Variants in ST3GAL1 observed in about 807,000 individuals in gnomAD.
The protein encoded by ST3GAL1 is CMP-N-acetylneuraminate-beta-galactosamide-alpha-2,3-sialyltransferase 1.
A neutral mutation model predicts 34.1 loss-of-function variants in ST3GAL1; 16 were observed. That is an observed-to-expected ratio of 0.47 (90% confidence interval 0.32 to 0.71). The LOEUF (loss-of-function observed/expected upper bound fraction) is 0.71. ST3GAL1 is among the 30% of genes least tolerant of loss of function. The pLI is 0.04. For synonymous variants in ST3GAL1, 191 were observed against 184.7 expected (o/e 1.03, Z -0.28); for missense variants, 353 against 447.4 (o/e 0.79, Z 1.90).
Position 133,469,202 on chromosome 8 carries a change from A to AATTG in ST3GAL1, c.307-3116_307-3113dup, listed in dbSNP as rs776708686. Among the ~76,000 whole-genome samples, 11 of 152,246 alleles carry AATTG rather than the reference A, an allele frequency of 7.2e-5. No homozygotes were observed. Among genetic ancestry groups the AATTG allele is most frequent in the African/African-American group, 1.9e-4 (8 of 41,542 alleles). ...TTTAATGACTTATTTAAGAAAAATAAATTGATTGATTGATTGATTGATTTG... is the reference window on the plus strand; with the variant it reads ...TTTAATGACTTATTTAAGAAAAATAAATTGATTGATTGATTGATTGATTGATTTG... On this transcript the variant is annotated intron_variant, in intron 5 of 9. Coordinates refer to ENST00000522652, the MANE Select transcript of ST3GAL1 (RefSeq NM_173344.3). The surrounding 1 kb of genome is among the most constrained non-coding windows in gnomAD (Gnocchi z 4.3).
At chr8:133,519,238 A>G (rs967549844) in intron 2 of ST3GAL1, among the ~76,000 whole-genome samples, 4 of 152,208 alleles carry the variant, frequency 2.6e-5, no homozygotes, top group African/African-American at 9.7e-5. Flanking sequence ...GATGCCAAGA[A>G]GGCACAGTGA....
intron 2 of ST3GAL1, among the ~76,000 whole-genome samples, chr8:133,542,113 C>CACACACACACA (rs1563735220): frequency 8.6e-6 from 1 of 116,336 alleles, no homozygotes; most frequent in Non-Finnish European, 2.0e-5. Flanking sequence ...ACACACACAC[C>CACACACACACA]CACGCACACA....
In ST3GAL1 at chr8:133,501,387, A is replaced by T. The variant is rs1164795230; in HGVS notation, c.-428-2198T>A. Among the ~76,000 whole-genome samples the T allele has an allele frequency of 2.0e-5, 3 of 152,182 alleles. No individual in the cohort carries two copies. In the East Asian group the frequency reaches 5.8e-4, roughly 29 times the overall value. ...TAGGTGCTCTCTTGAGGTGGGGAGCAGTAGCTGTGGGAGAGGGTTTGGAGA... is the reference window on the plus strand; with the variant it reads ...TAGGTGCTCTCTTGAGGTGGGGAGCTGTAGCTGTGGGAGAGGGTTTGGAGA... On this transcript the variant is annotated intron_variant, in intron 2 of 9. Transcript: ENST00000522652.
intron 2 of ST3GAL1, among the ~76,000 whole-genome samples, chr8:133,522,921 G>A (rs1389993824): frequency 6.6e-6 from 1 of 152,222 alleles, no homozygotes; most frequent in Non-Finnish European, 1.5e-5. Context: ...GCCTAGGGCA[G>A]AGAAGGTGCT....
rs1376256445 is a variant in ST3GAL1 at position 133,459,970 on chromosome 8, A to G, written c.850-33T>C. ...AGCAAAGCAAAGATGAGAACCAGAC[A>G]GCAGGGCTGCTGGTGGCACCTCTGA... On this transcript the variant is annotated intron_variant, in intron 9 of 9. Transcript: ENST00000522652. This position sits in a 1 kb window ranked among gnomAD's most constrained non-coding sequence, Gnocchi z 4.7. 1.9e-6 allele frequency: 3 copies of G among 1,578,296 alleles called. No homozygotes were observed. Among genetic ancestry groups the G allele is most frequent in the Non-Finnish European group, 2.6e-6 (3 of 1,157,978 alleles).
chr8:133,522,689 G>T (rs1375152719), intron 2 of ST3GAL1, among the ~76,000 whole-genome samples: 1 of 152,150 alleles, frequency 6.6e-6, no homozygotes, highest in Non-Finnish European at 1.5e-5. Context: ...GAGAGCCTGG[G>T]TTTCATCCAA....
chr8:133,500,260 C>T (rs1289740403), intron 2 of ST3GAL1, among the ~76,000 whole-genome samples: 2 of 152,134 alleles, frequency 1.3e-5, no homozygotes, highest in African/African-American at 4.8e-5. Context: ...TCTCCCCATG[C>T]CCCATCAATA....
rs72720265 is a variant in ST3GAL1, at chr8:133,529,294, G to C, written c.-429+16480C>G. Among the ~76,000 whole-genome samples, 1,217 of 152,358 alleles carry C rather than the reference G, an allele frequency of 8.0e-3. 9 individuals carry two copies. Among genetic ancestry groups the C allele is most frequent in the Non-Finnish European group, 0.01 (704 of 68,040 alleles). ...GAATATGTCAGGCAAATGCCAGACA[G>C]AAAGCGGGCCAGAGAGGATGCGGCA... On this transcript the variant is annotated intron_variant, in intron 2 of 9. Coordinates refer to ENST00000522652, the MANE Select transcript of ST3GAL1 (RefSeq NM_173344.3).
chr8:133,463,920 G>C (rs926192994), intron 7 of ST3GAL1, among the ~76,000 whole-genome samples: 1 of 152,176 alleles, frequency 6.6e-6, no homozygotes, highest in Non-Finnish European at 1.5e-5. Context: ...TGCTCCCAGA[G>C]AGACTGCAGC....
At chr8:133,509,446 T>G (rs1254362831) in intron 2 of ST3GAL1, among the ~76,000 whole-genome samples, 6 of 152,234 alleles carry the variant, frequency 3.9e-5, no homozygotes, top group Non-Finnish European at 8.8e-5. Flanking sequence ...AAGGTTCATC[T>G]GTAAAATGAG....
chr8:133,553,194 C>A lies in ST3GAL1; in HGVS notation c.-581-7268G>T, dbSNP rs146217289. On this transcript the variant is annotated intron_variant, in intron 1 of 9. Transcript: ENST00000522652. ...CTCCACTCTGCTTTGCTGTTAACAG[C>A]TCTTAGTACCACATGGGCCATGAGC... Among the ~76,000 whole-genome samples, 827 of 152,300 alleles carry A rather than the reference C, an allele frequency of 5.4e-3. 7 individuals carry two copies. The highest frequency in any genetic ancestry group is 0.019 in the African/African-American group (780 of 41,560).
Position 133,475,704 on chromosome 8 carries a change from C to T in ST3GAL1, c.306+15G>A. 7 of 1,570,378 alleles carry T rather than the reference C, an allele frequency of 4.5e-6. No individual in the cohort carries two copies. Among genetic ancestry groups the T allele is most frequent in the Non-Finnish European group, 6.1e-6 (7 of 1,156,644 alleles). On this transcript the variant is annotated intron_variant, in intron 5 of 9. Coordinates refer to ENST00000522652, the MANE Select transcript of ST3GAL1 (RefSeq NM_173344.3). The stretch of plus-strand genomic sequence containing the variant: ...CAACTCTCAGCCCAGACCCCGCTCT[C>T]AGGCAGCATCTCACCAGCCACCATC...
At chr8:133,511,977 C>T (rs1213320952) in intron 2 of ST3GAL1, among the ~76,000 whole-genome samples, 3 of 152,108 alleles carry the variant, frequency 2.0e-5, no homozygotes, top group Non-Finnish European at 4.4e-5. Context: ...CGCTTGAACC[C>T]GGGAGGCAGA....
At chr8:133,546,218 G>C (rs1818665387) in intron 1 of ST3GAL1, among the ~76,000 whole-genome samples, 1 of 152,142 alleles carries the variant, frequency 6.6e-6, no homozygotes, top group Non-Finnish European at 1.5e-5. Context: ...AGGCGGCTTG[G>C]GCGCCTGTAA....
chr8:133,518,669 GT>G (rs1195179090), intron 2 of ST3GAL1, among the ~76,000 whole-genome samples: 26 of 152,262 alleles, frequency 1.7e-4, no homozygotes, highest in African/African-American at 5.8e-4. Flanking sequence ...GGCTGGTCAG[GT>G]AAACATAGTG....
Position 133,475,889 on chromosome 8 carries a change from G to C in ST3GAL1, c.136C>G (p.Leu46Val). The C allele has an allele frequency of 6.2e-7, 1 of 1,614,122 alleles. No individual in the cohort carries two copies. The highest frequency in any genetic ancestry group is 8.5e-7 in the Non-Finnish European group (1 of 1,180,040). The change falls in exon 5 of 10, where the codon CTC becomes GTC. Residue 46 changes from leucine (L) to valine (V), a missense_variant. Transcript: ENST00000522652. ...TWFPKQMVLE[L>V]SENLKRLIKH... Reference sequence around the variant, plus strand: ...ATCAGTCTCTTCAGGTTCTCGGAGAGCTCCAGGACCATCTGCTTGGGGAAC... The same window carrying C: ...ATCAGTCTCTTCAGGTTCTCGGAGACCTCCAGGACCATCTGCTTGGGGAAC...
chr8:133,510,519 C>A (rs2945750), intron 2 of ST3GAL1, among the ~76,000 whole-genome samples: 1 of 151,880 alleles, frequency 6.6e-6, no homozygotes, highest in Non-Finnish European at 1.5e-5. Flanking sequence ...GCATTTGGAC[C>A]CTCAGACTTC....
rs1816871791 is a variant in ST3GAL1, at chr8:133,494,171, A to G, written c.-374+4964T>C. Among the ~76,000 whole-genome samples the G allele has an allele frequency of 2.0e-5, 3 of 152,282 alleles. No individual in the cohort carries two copies. The South Asian group carries it at 6.2e-4, about 32-fold the overall frequency. Reference sequence around the variant, plus strand: ...CACAGGGTCTTCAGATTCAATTTCTATTTACAAGACCCCACAATATGCCTG... The same window carrying G: ...CACAGGGTCTTCAGATTCAATTTCTGTTTACAAGACCCCACAATATGCCTG... On this transcript the variant is annotated intron_variant, in intron 3 of 9. Transcript: ENST00000522652.
chr8:133,541,120 T>TAGAGAGAG (rs1554618899), intron 2 of ST3GAL1, among the ~76,000 whole-genome samples: 597 of 48,586 alleles, frequency 0.012, 46 homozygotes, highest in African/African-American at 0.018. Flanking sequence ...TATATATATA[T>TAGAGAGAG]AGAGAGAGAG....
Sources: allele counts gnomAD v4.1 joint callset (sites outside exome capture counted in the v4.1 genomes callset), GRCh38; gene constraint gnomAD v4.1.1; non-coding constraint Gnocchi (gnomAD v3.1); transcripts MANE v1.5; gene names NCBI Gene and HGNC (gene_info 2026-07-23, HGNC 2026-07-21).